The following DISP1 variants were observed in gnomAD, a reference collection of about 807,000 sequenced individuals.
DISP1 encodes dispatched RND transporter family member 1, also known as protein dispatched homolog 1.
DISP1 carries 30 observed loss-of-function variants against 37.3 expected under a neutral mutation model. The ratio of observed to expected loss-of-function variants is 0.80; its 90% CI spans 0.60 to 1.09. DISP1 has a LOEUF of 1.09. Ranked by LOEUF, DISP1 falls within the 50% of genes least tolerant of loss-of-function variation. The probability of loss-of-function intolerance (pLI) is 0.00; values close to 1 mark genes in which losing one functional copy is unlikely to be tolerated. For synonymous variants in DISP1, 634 were observed against 690.2 expected, an observed-to-expected ratio of 0.92 and a Z score of 1.28; for missense variants, 1,598 against 1,879.5, an observed-to-expected ratio of 0.85 and a Z score of 2.77.
At chr1:222,875,821 A>G (rs909517096) in intron 1 of DISP1, among the ~76,000 whole-genome samples, 3 of 127,662 alleles carry the variant, frequency 2.3e-5, no homozygotes, top group African/African-American at 9.3e-5. Context: ...GAGAGAAACC[A>G]CATCTCAATA....
chr1:222,921,253 G>A (rs1397224120), intron 1 of DISP1, among the ~76,000 whole-genome samples: 2 of 152,168 alleles, frequency 1.3e-5, no homozygotes, highest in African/African-American at 4.8e-5. Context: ...AGGTTGCAGT[G>A]AGCTGTGATC....
At chr1:222,839,200 C>A (rs1398310614) in intron 1 of DISP1, among the ~76,000 whole-genome samples, 1 of 152,076 alleles carries the variant, frequency 6.6e-6, no homozygotes, top group Admixed American at 6.5e-5. Flanking sequence ...AGCTGTGCCT[C>A]CTGTCAGATC....
At position 222,943,012 on chromosome 1, in the gene DISP1, A is replaced by G. The variant is rs1465974677; in HGVS notation, c.189A>G (p.Lys63=). 2 of 1,614,190 alleles carry G rather than the reference A, an allele frequency of 1.2e-6. No individual in the cohort carries two copies. Among genetic ancestry groups the G allele is most frequent in the Non-Finnish European group, 1.7e-6 (2 of 1,180,024 alleles). Residue 63 remains lysine (K), a synonymous_variant, in exon 3 of 9, where the codon AAA becomes AAG. Coordinates refer to ENST00000675850, the MANE Select transcript of DISP1 (RefSeq NM_001377229.1). Reference sequence around the variant, plus strand: ...GCCTGCAACTTAATGGCACGGTCAAATCATCCTTTCTGCCTTTAGACAACC... The same window carrying G: ...GCCTGCAACTTAATGGCACGGTCAAGTCATCCTTTCTGCCTTTAGACAACC... ...NGCLQLNGTV[K]SSFLPLDNQR...
chr1:222,845,268 G>A (rs145379615), intron 1 of DISP1, among the ~76,000 whole-genome samples: 41 of 152,194 alleles, frequency 2.7e-4, no homozygotes, highest in Non-Finnish European at 4.9e-4. Context: ...TATTGTAAGT[G>A]CATTCAAAAT....
At chr1:222,971,910 T>C (rs1212660926) in intron 3 of DISP1, among the ~76,000 whole-genome samples, 3 of 152,122 alleles carry the variant, frequency 2.0e-5, no homozygotes, top group Non-Finnish European at 4.4e-5. Context: ...GAAATGTGTG[T>C]GTATCTTAAT....
chr1:222,955,273 C>T (rs571011905), intron 3 of DISP1, among the ~76,000 whole-genome samples: 13 of 151,868 alleles, frequency 8.6e-5, no homozygotes, highest in South Asian at 6.3e-4. Flanking sequence ...TTTAGTAGGA[C>T]GGGATTTCAC....
At chr1:222,947,162 A>G (rs933240590) in intron 3 of DISP1, among the ~76,000 whole-genome samples, 1 of 152,126 alleles carries the variant, frequency 6.6e-6, no homozygotes, top group African/African-American at 2.4e-5. Flanking sequence ...CTCCATACTC[A>G]CTAAATTATA....
chr1:222,919,959 C>T (rs1672719663), intron 1 of DISP1, among the ~76,000 whole-genome samples: 1 of 152,128 alleles, frequency 6.6e-6, no homozygotes, highest in Non-Finnish European at 1.5e-5. Context: ...TTGCTGTAAT[C>T]TAAGTTATAC....
intron 3 of DISP1, among the ~76,000 whole-genome samples, chr1:222,947,178 G>A (rs1054379212): frequency 1.3e-5 from 2 of 151,898 alleles, no homozygotes; most frequent in Non-Finnish European, 2.9e-5. Flanking sequence ...TTATAACTCT[G>A]CCTGCCCCTG....
At chr1:222,916,334 T>C (rs1672492855) in intron 1 of DISP1, among the ~76,000 whole-genome samples, 4 of 152,086 alleles carry the variant, frequency 2.6e-5, no homozygotes, top group African/African-American at 9.7e-5. Flanking sequence ...GAGCATTTGC[T>C]GATCCACACC....
In DISP1 at chr1:222,902,893, C is replaced by T. The variant is rs59337800; in HGVS notation, c.-158-25537C>T. On this transcript the variant is annotated intron_variant, in intron 1 of 8. Transcript: ENST00000675850. Reference sequence around the variant, plus strand: ...TCAACCATTGTGGAAGTCAGTGTGGCGATTCCTCAGGGATCTAGAACTAGA... The same window carrying T: ...TCAACCATTGTGGAAGTCAGTGTGGTGATTCCTCAGGGATCTAGAACTAGA... Among the ~76,000 whole-genome samples, 9 of 150,848 alleles carry T rather than the reference C, an allele frequency of 6.0e-5. No homozygotes were observed. The East Asian group carries it at 7.9e-4, about 13-fold the overall frequency.
chr1:222,964,644 CAT>C (rs543978351), intron 3 of DISP1, among the ~76,000 whole-genome samples: 3 of 152,256 alleles, frequency 2.0e-5, no homozygotes, highest in African/African-American at 7.2e-5. Flanking sequence ...ATAGAAACAG[CAT>C]ATTCACAGTG....
At chr1:222,941,674 G>A (rs1674396185) in intron 2 of DISP1, among the ~76,000 whole-genome samples, 1 of 152,110 alleles carries the variant, frequency 6.6e-6, no homozygotes, top group African/African-American at 2.4e-5. Context: ...GAATCCTCAT[G>A]GGGGATCCAG....
intron 1 of DISP1, among the ~76,000 whole-genome samples, chr1:222,921,678 C>T (rs1469883102): frequency 1.3e-5 from 2 of 152,112 alleles, no homozygotes; most frequent in African/African-American, 4.8e-5. Flanking sequence ...TTACAGACTA[C>T]ATTTCAATAC....
chr1:222,948,674 T>C (rs889857522), intron 3 of DISP1, among the ~76,000 whole-genome samples: 1 of 152,262 alleles, frequency 6.6e-6, no homozygotes. Flanking sequence ...AAGTAAGTAC[T>C]TAATGAAATG....
At chr1:222,825,249 G>C (rs1664040878) in intron 1 of DISP1, among the ~76,000 whole-genome samples, 2 of 152,098 alleles carry the variant, frequency 1.3e-5, no homozygotes, top group Non-Finnish European at 2.9e-5. Flanking sequence ...TTAGACATGT[G>C]TGTTACTTTC....
At position 222,995,131 on chromosome 1, in the gene DISP1, T is replaced by C. The variant is rs555800063; in HGVS notation, c.987+149T>C. 34 of 666,760 alleles carry C rather than the reference T, an allele frequency of 5.1e-5. No individual in the cohort carries two copies. The South Asian group carries it at 5.5e-4, about 11-fold the overall frequency. 41.3% of individuals were successfully genotyped at this position (666,760 alleles called of 1,614,324 possible). On this transcript the variant is annotated intron_variant, in intron 8 of 8. Transcript: ENST00000675850. ...TAAACTCCAGCAGGCCAGCTTTGCA[T>C]TCTTTCAGATCCCAGGATCAAAGTG...
chr1:222,921,959 AAG>A (rs756199034), intron 1 of DISP1, among the ~76,000 whole-genome samples: 16 of 152,186 alleles, frequency 1.1e-4, no homozygotes, highest in African/African-American at 3.4e-4. Flanking sequence ...TTAGAATAGA[AAG>A]AGAGAATTTC....
chr1:222,887,146 GTTTC>G (rs1670641885), intron 1 of DISP1, among the ~76,000 whole-genome samples: 2 of 152,322 alleles, frequency 1.3e-5, no homozygotes, highest in South Asian at 4.1e-4. Context: ...AAGTTATCAG[GTTTC>G]TTTCTTGATG....
Sources: gnomAD v4.1 joint callset for allele counts (sites outside exome capture counted in the v4.1 genomes callset) on GRCh38, gnomAD v4.1.1 for gene constraint, MANE v1.5 for transcripts, NCBI Gene and HGNC (gene_info 2026-07-23, HGNC 2026-07-21) for gene names.